The following TENM2 variants were observed in gnomAD, a reference collection of about 807,000 sequenced individuals.
The protein encoded by TENM2 is teneurin transmembrane protein 2, also known as teneurin-2.
Under a neutral mutation model 245.2 loss-of-function variants are expected in TENM2, and 52 were observed. The observed-to-expected ratio is 0.21, with a 90% CI of 0.17 to 0.27. TENM2 has a LOEUF of 0.27. TENM2 is among the 10% of genes least tolerant of loss of function. TENM2 has a pLI of 1.00. For missense variants in TENM2, 3,046 were observed against 3,666.8 expected (o/e 0.83, Z 4.37); for synonymous variants, 1,363 against 1,438.9 (o/e 0.95, Z 1.19).
intron 7 of TENM2, among the ~76,000 whole-genome samples, chr5:168,085,029 A>C (rs1792325237): frequency 6.6e-6 from 1 of 152,216 alleles, no homozygotes; most frequent in Non-Finnish European, 1.5e-5. Context: ...GTTAAAACTC[A>C]TGCAAATCCA....
the TENM2 span, among the ~76,000 whole-genome samples, chr5:167,164,754 A>T: frequency 6.6e-6 from 1 of 152,200 alleles, no homozygotes; most frequent in Non-Finnish European, 1.5e-5. Context: ...TGTTCATTTT[A>T]TATAGATAGA....
chr5:167,722,374 A>G (rs1439798794), intron 2 of TENM2, among the ~76,000 whole-genome samples: 13 of 152,240 alleles, frequency 8.5e-5, no homozygotes, highest in Admixed American at 7.9e-4. Flanking sequence ...AGAGATAAGT[A>G]GGTAGATAGA....
chr5:167,065,373 C>T, the TENM2 span, among the ~76,000 whole-genome samples: 1 of 152,004 alleles, frequency 6.6e-6, no homozygotes, highest in East Asian at 1.9e-4. Context: ...ATATTGCAAA[C>T]ACATGTTATT....
chr5:167,091,561 C>T, the TENM2 span, among the ~76,000 whole-genome samples: 51 of 152,218 alleles, frequency 3.4e-4, no homozygotes, highest in Admixed American at 8.5e-4. Flanking sequence ...AGAATAAAAA[C>T]GCAAGCATAG....
At chr5:167,845,417 A>G (rs942926121) in intron 2 of TENM2, among the ~76,000 whole-genome samples, 4 of 152,154 alleles carry the variant, frequency 2.6e-5, no homozygotes, top group Non-Finnish European at 4.4e-5. Flanking sequence ...CCTGTTCTTA[A>G]TCACCTTCAT....
Position 168,248,262 on chromosome 5 carries a change from C to CTA in TENM2, c.7326_7327dup (p.Thr2443IlefsTer29), listed in dbSNP as rs2152693151. 1 of 1,614,036 alleles carries CTA rather than the reference C, an allele frequency of 6.2e-7. No individual in the cohort carries two copies. The highest frequency in any genetic ancestry group is 1.7e-5 in the Admixed American group (1 of 60,024). ...TGGCAGGACGATGGACCTCCCCAGA[C>CTA]TATACCATGTGGAAAAACGTGGGCA... On this transcript the variant is annotated frameshift_variant, in exon 27 of 29. Coordinates refer to ENST00000518659, the Ensembl canonical transcript of TENM2. LOFTEE classifies it high-confidence loss of function.
chr5:167,323,804 G>C (rs1756919995), intron 1 of TENM2, among the ~76,000 whole-genome samples: 1 of 152,112 alleles, frequency 6.6e-6, no homozygotes, highest in Admixed American at 6.6e-5. Context: ...AAAATGATAG[G>C]ATTCAAAATG....
intron 2 of TENM2, among the ~76,000 whole-genome samples, chr5:167,670,139 G>A (rs1755838832): frequency 6.6e-6 from 1 of 152,260 alleles, no homozygotes; most frequent in Non-Finnish European, 1.5e-5. Context: ...AGAATCACCA[G>A]AGAAACAGAG....
At chr5:167,844,586 G>A (rs1190348940) in intron 2 of TENM2, among the ~76,000 whole-genome samples, 1 of 152,144 alleles carries the variant, frequency 6.6e-6, no homozygotes, top group Non-Finnish European at 1.5e-5. Flanking sequence ...TTTGTAAATG[G>A]CTTTTAAATT....
intron 2 of TENM2, among the ~76,000 whole-genome samples, chr5:167,702,536 A>T (rs980649243): frequency 1.6e-5 from 2 of 125,822 alleles, no homozygotes; most frequent in African/African-American, 6.9e-5. Context: ...ATATGTATGT[A>T]TGTATGTGTG....
intron 2 of TENM2, among the ~76,000 whole-genome samples, chr5:167,616,552 G>A (rs1290077228): frequency 1.3e-5 from 2 of 152,014 alleles, no homozygotes. Flanking sequence ...TGCCTTACTT[G>A]TAATTATGAG....
the TENM2 span, among the ~76,000 whole-genome samples, chr5:166,979,572 C>G: frequency 6.6e-6 from 1 of 152,090 alleles, no homozygotes; most frequent in Admixed American, 6.5e-5. Context: ...CTTTTTTCCC[C>G]TTTTCTTTCT....
intron 2 of TENM2, among the ~76,000 whole-genome samples, chr5:167,843,971 AGAAG>A (rs1769794050): frequency 1.3e-5 from 2 of 152,340 alleles, no homozygotes; most frequent in Admixed American, 1.3e-4. Flanking sequence ...CAAAACAGTC[AGAAG>A]CATGCTTTCA....
At chr5:168,065,670 A>G (rs1366355714) in intron 7 of TENM2, among the ~76,000 whole-genome samples, 1 of 152,086 alleles carries the variant, frequency 6.6e-6, no homozygotes, top group African/African-American at 2.4e-5. Flanking sequence ...TCTAAAGAAA[A>G]AACTACATTT....
chr5:167,075,659 A>G, the TENM2 span, among the ~76,000 whole-genome samples: 1 of 152,202 alleles, frequency 6.6e-6, no homozygotes, highest in Non-Finnish European at 1.5e-5. Flanking sequence ...GTCATGTGAT[A>G]GGGCAGTATT....
intron 1 of TENM2, among the ~76,000 whole-genome samples, chr5:167,313,142 A>G (rs1294739477): frequency 6.6e-6 from 1 of 151,948 alleles, no homozygotes; most frequent in Admixed American, 6.6e-5. Flanking sequence ...ACCTCAAGTG[A>G]TGCATCCTCC....
chr5:167,222,846 A>T, the TENM2 span, among the ~76,000 whole-genome samples: 3 of 152,218 alleles, frequency 2.0e-5, no homozygotes, highest in African/African-American at 7.2e-5. Context: ...TGCAAAAAAT[A>T]TGGGAAATGA....
At chr5:168,190,216 C>T (rs1020952056) in intron 13 of TENM2, 121 bp from the exon 16 acceptor site, 88 of 679,322 alleles carry the variant, frequency 1.3e-4, no homozygotes, top group Middle Eastern at 4.2e-4. Flanking sequence ...AACCTGCCAC[C>T]TCAGGCCCTT....
At chr5:167,987,440 G>A (rs1033784735) in intron 4 of TENM2, among the ~76,000 whole-genome samples, 1 of 151,644 alleles carries the variant, frequency 6.6e-6, no homozygotes, top group Non-Finnish European at 1.5e-5. Flanking sequence ...TGATTCTCCT[G>A]CCTCTGCCTC....
Sources: gnomAD v4.1 joint callset for allele counts (sites outside exome capture counted in the v4.1 genomes callset) on GRCh38, gnomAD v4.1.1 for gene constraint, MANE v1.5 for transcripts, NCBI Gene and HGNC (gene_info 2026-07-23, HGNC 2026-07-21) for gene names.